The following AK5 variants were observed in gnomAD, a reference collection of about 807,000 sequenced individuals.
AK5 encodes the protein adenylate kinase isoenzyme 5.
Under a neutral mutation model 69.5 loss-of-function variants are expected in AK5, and 27 were observed. The observed-to-expected ratio is 0.39, with a 90% CI of 0.29 to 0.54. The LOEUF (loss-of-function observed/expected upper bound fraction) is 0.54. Among genes scored for constraint, AK5 ranks in the 20% least tolerant of loss-of-function variants. AK5 has a pLI of 0.71. For missense variants in AK5, 531 were observed against 700.4 expected, an observed-to-expected ratio of 0.76 and a Z score of 2.73; for synonymous variants, 260 against 244.4, an observed-to-expected ratio of 1.06 and a Z score of -0.60.
intron 8 of AK5, among the ~76,000 whole-genome samples, chr1:77,473,558 C>A (rs910691986): frequency 3.9e-5 from 6 of 152,176 alleles, no homozygotes; most frequent in African/African-American, 1.4e-4. Flanking sequence ...TTCTAATTGC[C>A]TATGCACTGA....
intron 12 of AK5, among the ~76,000 whole-genome samples, chr1:77,524,244 C>T (rs924604184): frequency 6.6e-6 from 1 of 152,186 alleles, no homozygotes; most frequent in East Asian, 1.9e-4. Flanking sequence ...GCCATGACTA[C>T]ATGTGTACAA....
At chr1:77,391,483 A>ATGTGTGTG (rs377483838) in intron 6 of AK5, among the ~76,000 whole-genome samples, 2 of 92,488 alleles carry the variant, frequency 2.2e-5, no homozygotes, top group Admixed American at 1.2e-4. Flanking sequence ...GTGTGTGTGT[A>ATGTGTGTG]TGTGTGTGTG....
chr1:77,533,520 A>ACAAAC (rs1553161648), intron 12 of AK5, among the ~76,000 whole-genome samples: 1,734 of 148,922 alleles, frequency 0.012, 44 homozygotes, highest in South Asian at 0.082. Context: ...AAAAAAAAAA[A>ACAAAC]AAAAAAAAAA....
intron 8 of AK5, among the ~76,000 whole-genome samples, chr1:77,432,264 C>G (rs1235057814): frequency 6.6e-6 from 1 of 152,066 alleles, no homozygotes; most frequent in Non-Finnish European, 1.5e-5. Flanking sequence ...GATTGTTGGT[C>G]TGGTCCCATA....
intron 6 of AK5, among the ~76,000 whole-genome samples, chr1:77,355,215 A>C (rs1662431209): frequency 6.6e-6 from 1 of 152,224 alleles, no homozygotes; most frequent in African/African-American, 2.4e-5. Flanking sequence ...CTTTTGGCTC[A>C]GTGAGCAGTT....
At chr1:77,392,469 A>G (rs1277076918) in intron 6 of AK5, among the ~76,000 whole-genome samples, 4 of 152,256 alleles carry the variant, frequency 2.6e-5, no homozygotes, top group Non-Finnish European at 5.9e-5. Flanking sequence ...CATTTTAAAC[A>G]AACACTAATG....
intron 10 of AK5, among the ~76,000 whole-genome samples, chr1:77,486,731 CTATT>C (rs1655628117): frequency 6.6e-6 from 1 of 151,570 alleles, no homozygotes; most frequent in Admixed American, 6.6e-5. Context: ...GTGAAAGAGA[CTATT>C]TATTTCTCAT....
intron 1 of AK5, among the ~76,000 whole-genome samples, chr1:77,284,975 G>A (rs986185466): frequency 2.6e-5 from 4 of 152,146 alleles, no homozygotes; most frequent in African/African-American, 9.7e-5. Context: ...TTTTGCAGAG[G>A]GCACAGAGAA....
intron 6 of AK5, among the ~76,000 whole-genome samples, chr1:77,356,718 G>T (rs1489584146): frequency 2.0e-5 from 3 of 152,128 alleles, no homozygotes; most frequent in Non-Finnish European, 4.4e-5. Context: ...ATTGGCCTTG[G>T]TACTGTCCAG....
At chr1:77,460,365 A>G (rs1227978561) in intron 8 of AK5, among the ~76,000 whole-genome samples, 3 of 152,268 alleles carry the variant, frequency 2.0e-5, no homozygotes, top group Admixed American at 1.3e-4. Flanking sequence ...ATATTTGTAT[A>G]TAAACACATT....
chr1:77,495,892 T>C (rs1557635062), intron 10 of AK5, among the ~76,000 whole-genome samples: 1 of 152,222 alleles, frequency 6.6e-6, no homozygotes, highest in Non-Finnish European at 1.5e-5. Flanking sequence ...CTCTCTCTGC[T>C]ATAGTACATT....
intron 3 of AK5, among the ~76,000 whole-genome samples, chr1:77,295,397 A>G (rs1372955519): frequency 6.6e-6 from 1 of 152,246 alleles, no homozygotes; most frequent in Non-Finnish European, 1.5e-5. Context: ...TTGTAAATAT[A>G]TCTACCTTGA....
At chr1:77,472,133 G>A (rs973080107) in intron 8 of AK5, among the ~76,000 whole-genome samples, 2 of 152,194 alleles carry the variant, frequency 1.3e-5, no homozygotes, top group African/African-American at 4.8e-5. Context: ...CCACCTGCAA[G>A]TAACCTAGCT....
At chr1:77,291,354 A>G (rs1213005772) in intron 2 of AK5, among the ~76,000 whole-genome samples, 1 of 151,904 alleles carries the variant, frequency 6.6e-6, no homozygotes, top group Non-Finnish European at 1.5e-5. Context: ...CTAAGCCTTC[A>G]TTTCTCATCT....
At chr1:77,369,196 C>T (rs1647074258) in intron 6 of AK5, among the ~76,000 whole-genome samples, 1 of 152,038 alleles carries the variant, frequency 6.6e-6, no homozygotes, top group African/African-American at 2.4e-5. Flanking sequence ...AGCTCAAGTT[C>T]AGGGAGGCTA....
intron 13 of AK5, among the ~76,000 whole-genome samples, chr1:77,547,246 C>A: frequency 6.7e-6 from 1 of 148,308 alleles, no homozygotes; most frequent in Non-Finnish European, 1.5e-5. Flanking sequence ...AGTATCATTT[C>A]AACATGTAAT....
chr1:77,507,886 T>TA (rs1221236295), intron 10 of AK5, among the ~76,000 whole-genome samples: 3 of 152,160 alleles, frequency 2.0e-5, no homozygotes, highest in Non-Finnish European at 2.9e-5. Context: ...ATTTCAAACA[T>TA]ACAGCAAGCT....
At chr1:77,364,487 G>A (rs1402094533) in intron 6 of AK5, among the ~76,000 whole-genome samples, 1 of 152,126 alleles carries the variant, frequency 6.6e-6, no homozygotes, top group East Asian at 1.9e-4. Flanking sequence ...CTATCTAGCT[G>A]TAATTTTGTA....
chr1:77,440,376 T>C (rs1236128644), intron 8 of AK5, among the ~76,000 whole-genome samples: 1 of 152,206 alleles, frequency 6.6e-6, no homozygotes, highest in Non-Finnish European at 1.5e-5. Context: ...AGTAGCTCTA[T>C]GCTTTTCTCT....
Sources: gnomAD v4.1 joint callset for allele counts (sites outside exome capture counted in the v4.1 genomes callset) on GRCh38, gnomAD v4.1.1 for gene constraint, MANE v1.5 for transcripts, NCBI Gene and HGNC (gene_info 2026-07-23, HGNC 2026-07-21) for gene names.